DTNA: variants seen among roughly 807,000 people sequenced by gnomAD.
DTNA encodes the protein dystrobrevin alpha.
In DTNA, 43 loss-of-function variants were observed where a neutral mutation model predicts 100.7. That is an observed-to-expected ratio of 0.43 (90% CI 0.33 to 0.55). The LOEUF (loss-of-function observed/expected upper bound fraction) is 0.55. DTNA is among the 20% of genes least tolerant of loss of function. The probability of loss-of-function intolerance (pLI) is 0.04; values close to 1 mark genes in which losing one functional copy is unlikely to be tolerated. For missense variants in DTNA, 798 were observed against 953.9 expected, an observed-to-expected ratio of 0.84 and a Z score of 2.15; for synonymous variants, 349 against 347.9, an observed-to-expected ratio of 1.00 and a Z score of -0.04.
chr18:34,501,802 A>ATATC (rs1179446090), intron 1 of DTNA, among the ~76,000 whole-genome samples: 2 of 152,076 alleles, frequency 1.3e-5, no homozygotes, highest in Non-Finnish European at 2.9e-5. Context: ...TGGCTTGCGG[A>ATATC]TAGCTGAGTT....
At chr18:34,631,264 G>T (rs1446467888) in intron 1 of DTNA, among the ~76,000 whole-genome samples, 1 of 152,138 alleles carries the variant, frequency 6.6e-6, no homozygotes, top group Non-Finnish European at 1.5e-5. Flanking sequence ...GATAATAAAA[G>T]TGCCAAATTT....
At chr18:34,725,019 G>T (rs545972647) in intron 1 of DTNA, among the ~76,000 whole-genome samples, 1 of 152,244 alleles carries the variant, frequency 6.6e-6, no homozygotes, top group Admixed American at 6.5e-5. Flanking sequence ...TTAATAAATG[G>T]TGCTGGAAAA....
At chr18:34,533,981 GTTATTAGTCTTC>G (rs2043421403) in intron 1 of DTNA, among the ~76,000 whole-genome samples, 1 of 152,100 alleles carries the variant, frequency 6.6e-6, no homozygotes, top group Non-Finnish European at 1.5e-5. Context: ...GGATTTGCTG[GTTATTAGTCTTC>G]TAAGCCCTTA....
intron 1 of DTNA, among the ~76,000 whole-genome samples, chr18:34,563,047 G>C (rs1433366653): frequency 6.6e-6 from 1 of 152,170 alleles, no homozygotes; most frequent in Non-Finnish European, 1.5e-5. Flanking sequence ...CTGAGAGCTT[G>C]TACTGGATTG....
chr18:34,824,253 A>G (rs1398560610), intron 9 of DTNA, among the ~76,000 whole-genome samples: 4 of 152,166 alleles, frequency 2.6e-5, no homozygotes, highest in Non-Finnish European at 5.9e-5. Flanking sequence ...AGGCGGGCGG[A>G]TCACGAGGTC....
chr18:34,555,842 A>G (rs1249008788), intron 1 of DTNA, among the ~76,000 whole-genome samples: 2 of 152,206 alleles, frequency 1.3e-5, no homozygotes, highest in African/African-American at 2.4e-5. Context: ...AAAAATGTAT[A>G]TTCTGTTGAT....
At chr18:34,591,387 A>T (rs1433178443) in intron 1 of DTNA, among the ~76,000 whole-genome samples, 1 of 152,256 alleles carries the variant, frequency 6.6e-6, no homozygotes, top group Non-Finnish European at 1.5e-5. Context: ...TCCATAGGTT[A>T]AGATATACAC....
chr18:34,838,838 G>A lies in DTNA; in HGVS notation c.1346+1G>A. 6.2e-7 allele frequency: 1 copy of A among 1,613,408 alleles called. No individual in the cohort carries two copies. Among genetic ancestry groups the A allele is most frequent in the Non-Finnish European group, 8.5e-7 (1 of 1,179,492 alleles). On this transcript the variant is annotated splice_donor_variant, in intron 13 of 22. Transcript: ENST00000444659. LOFTEE classifies it high-confidence loss of function. ...ACATGCTCCGGAACAACCCCTCATG[G>A]TTAGTGCAGGTTTGGCTGCTTGACT...
chr18:34,581,560 C>A (rs1323808771), intron 1 of DTNA, among the ~76,000 whole-genome samples: 1 of 150,488 alleles, frequency 6.6e-6, no homozygotes, highest in Non-Finnish European at 1.5e-5. Flanking sequence ...CACACAGTTA[C>A]TTTTAGAACA....
At chr18:34,566,860 A>G (rs1457175666) in intron 1 of DTNA, among the ~76,000 whole-genome samples, 1 of 152,226 alleles carries the variant, frequency 6.6e-6, no homozygotes, top group Non-Finnish European at 1.5e-5. Context: ...TTTATACACC[A>G]TAGAGATTTA....
At chr18:34,685,149 T>A (rs1290525637) in intron 1 of DTNA, among the ~76,000 whole-genome samples, 5 of 152,210 alleles carry the variant, frequency 3.3e-5, no homozygotes, top group Admixed American at 2.6e-4. Flanking sequence ...TTTAATTAGA[T>A]CCCATTTGTG....
At chr18:34,670,835 G>T in intron 1 of DTNA, among the ~76,000 whole-genome samples, 1 of 152,182 alleles carries the variant, frequency 6.6e-6, no homozygotes, top group Non-Finnish European at 1.5e-5. Flanking sequence ...TGCCCCTACT[G>T]GGGGATGCCT....
chr18:34,784,353 A>G (rs1418289292), intron 3 of DTNA, among the ~76,000 whole-genome samples: 1 of 152,210 alleles, frequency 6.6e-6, no homozygotes, highest in Non-Finnish European at 1.5e-5. Context: ...CTTTCCTCTA[A>G]GCTCCAACAC....
At chr18:34,627,080 A>T (rs1481661041) in intron 1 of DTNA, among the ~76,000 whole-genome samples, 1 of 152,084 alleles carries the variant, frequency 6.6e-6, no homozygotes, top group African/African-American at 2.4e-5. Flanking sequence ...TGTCATCACC[A>T]CTAGAAGAAA....
At chr18:34,687,804 T>C (rs1427500532) in intron 1 of DTNA, among the ~76,000 whole-genome samples, 1 of 152,218 alleles carries the variant, frequency 6.6e-6, no homozygotes, top group Non-Finnish European at 1.5e-5. Flanking sequence ...GAACTTTCTT[T>C]ATGAATCTGG....
intron 1 of DTNA, chr18:34,738,011 C>G (rs1156686253): frequency 6.6e-6 from 1 of 152,056 alleles, no homozygotes; most frequent in Non-Finnish European, 1.5e-5. Flanking sequence ...AAAAGCTGCC[C>G]TGTGGTAGAC....
chr18:34,574,892 G>A (rs746250910), intron 1 of DTNA, among the ~76,000 whole-genome samples: 11 of 152,104 alleles, frequency 7.2e-5, no homozygotes, highest in Non-Finnish European at 1.3e-4. Context: ...TCCTGCCTAA[G>A]CCTAGAAATA....
chr18:34,624,553 T>C (rs1334011077), intron 1 of DTNA, among the ~76,000 whole-genome samples: 3 of 152,204 alleles, frequency 2.0e-5, no homozygotes, highest in Non-Finnish European at 2.9e-5. Flanking sequence ...ATTTCAAGTA[T>C]AATCAATGTT....
intron 3 of DTNA, among the ~76,000 whole-genome samples, chr18:34,790,341 A>G (rs1201070919): frequency 6.7e-6 from 1 of 148,184 alleles, no homozygotes; most frequent in Non-Finnish European, 1.5e-5. Context: ...TGGTGCATGC[A>G]AGGGGTATAA....
Sources: allele counts gnomAD v4.1 joint callset (sites outside exome capture counted in the v4.1 genomes callset), GRCh38; gene constraint gnomAD v4.1.1; transcripts MANE v1.5; gene names NCBI Gene and HGNC (gene_info 2026-07-23, HGNC 2026-07-21).